Variants in MED13 observed in about 807,000 individuals in gnomAD.
MED13 encodes the protein mediator complex subunit 13.
In MED13, 23 loss-of-function variants were observed where a neutral mutation model predicts 225.2. The ratio of observed to expected loss-of-function variants is 0.10; its 90% CI spans 0.07 to 0.14. The LOEUF (loss-of-function observed/expected upper bound fraction) is 0.14, where lower values mean the gene tolerates loss of function less well. Among genes scored for constraint, MED13 ranks in the 10% least tolerant of loss-of-function variants. The pLI, the probability that MED13 is intolerant of heterozygous loss-of-function variation, is 1.00. For synonymous variants in MED13, 942 were observed against 889.2 expected, an observed-to-expected ratio of 1.06 and a Z score of -1.06; for missense variants, 2,197 against 2,594.5, an observed-to-expected ratio of 0.85 and a Z score of 3.33.
chr17:61,987,406 C>A (rs545179004), intron 11 of MED13, among the ~76,000 whole-genome samples: 1 of 151,980 alleles, frequency 6.6e-6, no homozygotes, highest in Non-Finnish European at 1.5e-5. Context: ...TGCACTCCAG[C>A]CTGGGAGACA....
intron 9 of MED13, among the ~76,000 whole-genome samples, chr17:62,008,308 G>T (rs2080473182): frequency 1.5e-5 from 1 of 66,824 alleles, no homozygotes; most frequent in Admixed American, 1.4e-4. Flanking sequence ...ACAGAGCGAG[G>T]CTCTGTCTCA....
intron 2 of MED13, among the ~76,000 whole-genome samples, chr17:62,061,396 T>C (rs1348248940): frequency 6.6e-6 from 1 of 152,098 alleles, no homozygotes; most frequent in Non-Finnish European, 1.5e-5. Context: ...ACATTATGTA[T>C]CTCTTAAAAT....
intron 26 of MED13, among the ~76,000 whole-genome samples, chr17:61,954,244 G>T (rs1300883811): frequency 1.3e-5 from 2 of 152,194 alleles, no homozygotes; most frequent in Non-Finnish European, 2.9e-5. Context: ...CTTTAGAGAT[G>T]TGAGAGTTTT....
At chr17:62,047,810 C>T (rs2080911798) in intron 3 of MED13, among the ~76,000 whole-genome samples, 1 of 151,736 alleles carries the variant, frequency 6.6e-6, no homozygotes, top group African/African-American at 2.4e-5. Flanking sequence ...CCAGGCTGCT[C>T]TCAAACTCCT....
intron 23 of MED13, among the ~76,000 whole-genome samples, chr17:61,957,373 G>A (rs1005772103): frequency 2.7e-5 from 4 of 149,928 alleles, no homozygotes; most frequent in Admixed American, 6.7e-5. Context: ...TTTTTGAGAC[G>A]GAGTCTTGCT....
intron 9 of MED13, among the ~76,000 whole-genome samples, chr17:62,002,489 CAAA>C (rs35736875): frequency 1.8e-4 from 9 of 50,654 alleles, no homozygotes; most frequent in Admixed American, 7.3e-4. Flanking sequence ...AACTCCATCT[CAAA>C]AAAAAAAAAA....
At chr17:62,034,626 A>G (rs2080786615) in intron 4 of MED13, among the ~76,000 whole-genome samples, 1 of 152,204 alleles carries the variant, frequency 6.6e-6, no homozygotes, top group South Asian at 2.1e-4. Flanking sequence ...AGGAAAAACA[A>G]TATAGATATA....
chr17:61,997,966 A>G (rs2080359995), intron 9 of MED13, among the ~76,000 whole-genome samples: 2 of 152,212 alleles, frequency 1.3e-5, no homozygotes, highest in African/African-American at 4.8e-5. Flanking sequence ...ACTGTTTGTT[A>G]TTTTATTGAA....
intron 3 of MED13, among the ~76,000 whole-genome samples, chr17:62,048,031 CATATACATATACAT>C (rs1188286378): frequency 8.2e-6 from 1 of 122,270 alleles, no homozygotes; most frequent in African/African-American, 3.2e-5. Context: ...TATACATATA[CATATACATATACAT>C]ATATATATAT....
At chr17:62,000,816 G>T (rs899231684) in intron 9 of MED13, among the ~76,000 whole-genome samples, 1 of 152,210 alleles carries the variant, frequency 6.6e-6, no homozygotes, top group Non-Finnish European at 1.5e-5. Context: ...AGGATGGAGT[G>T]CAGTGGCGTG....
intron 9 of MED13, among the ~76,000 whole-genome samples, chr17:62,010,107 A>T (rs139206143): frequency 0.013 from 1,930 of 152,072 alleles, 38 homozygotes; most frequent in African/African-American, 0.044. Context: ...CTGTAATCCC[A>T]GCTACTCGGG....
At chr17:61,959,879 A>G (rs1297062796) in intron 23 of MED13, among the ~76,000 whole-genome samples, 1 of 151,860 alleles carries the variant, frequency 6.6e-6, no homozygotes, top group Non-Finnish European at 1.5e-5. Context: ...CAGGTGGGCC[A>G]CTATGCCCAG....
chr17:62,044,673 C>CT (rs1373285896), intron 3 of MED13, among the ~76,000 whole-genome samples: 2 of 152,144 alleles, frequency 1.3e-5, no homozygotes, highest in East Asian at 1.9e-4. Context: ...TCTATATTGC[C>CT]TTTTTTGAGA....
chr17:61,987,112 A>G lies in MED13; in HGVS notation c.2280T>C (p.Thr760=). 1 of 1,607,644 alleles carries G rather than the reference A, an allele frequency of 6.2e-7. No individual in the cohort carries two copies. Among genetic ancestry groups the G allele is most frequent in the Non-Finnish European group, 8.5e-7 (1 of 1,176,712 alleles). The change falls in exon 12 of 30, where the codon ACT becomes ACC. Residue 760 remains threonine (T), a synonymous_variant. Coordinates refer to ENST00000397786, the MANE Select transcript of MED13 (RefSeq NM_005121.3). ...TTGTTGATGGAGGACGGGCATGACTAGTAGGGCGTGGAGCATCTACAAAAG... is the reference window on the plus strand; with the variant it reads ...TTGTTGATGGAGGACGGGCATGACTGGTAGGGCGTGGAGCATCTACAAAAG... ...PSIKQDAPRP[T]SHARPPSTSL...
intron 8 of MED13, among the ~76,000 whole-genome samples, chr17:62,016,146 T>G (rs1212766700): frequency 4.1e-5 from 6 of 144,916 alleles, no homozygotes; most frequent in Non-Finnish European, 9.0e-5. Flanking sequence ...CACAGAAATT[T>G]GTTCAAAAAC....
At chr17:62,052,026 C>T (rs1409012877) in intron 3 of MED13, among the ~76,000 whole-genome samples, 1 of 152,038 alleles carries the variant, frequency 6.6e-6, no homozygotes, top group Non-Finnish European at 1.5e-5. Context: ...TAATTCATTG[C>T]TCAAGAAAAT....
rs931377076 is a variant in MED13, at chr17:61,990,861, A to G, written c.2263+1679T>C. ...CCCAATACCCAAACAGTACCTACAC[A>G]TAACAGGTGCTAACTAAGTATTTGT... On this transcript the variant is annotated intron_variant, in intron 11 of 29. Coordinates refer to ENST00000397786, the MANE Select transcript of MED13 (RefSeq NM_005121.3). Among the ~76,000 whole-genome samples the G allele has an allele frequency of 4.6e-5, 7 of 152,132 alleles. No individual in the cohort carries two copies. In the East Asian group the frequency reaches 9.6e-4, roughly 21 times the overall value.
chr17:61,989,240 G>A (rs2080274365), intron 11 of MED13, among the ~76,000 whole-genome samples: 1 of 152,178 alleles, frequency 6.6e-6, no homozygotes, highest in Admixed American at 6.5e-5. Flanking sequence ...TCAATCTCCT[G>A]ACCTCATGAT....
At chr17:61,996,695 G>A (rs1167465736) in intron 9 of MED13, among the ~76,000 whole-genome samples, 1 of 152,050 alleles carries the variant, frequency 6.6e-6, no homozygotes, top group Non-Finnish European at 1.5e-5. Flanking sequence ...ATAGCAATAT[G>A]CCCATGCCCA....
Sources: gnomAD v4.1 joint callset for allele counts (sites outside exome capture counted in the v4.1 genomes callset) on GRCh38, gnomAD v4.1.1 for gene constraint, MANE v1.5 for transcripts, NCBI Gene and HGNC (gene_info 2026-07-23, HGNC 2026-07-21) for gene names.